KDM4C: variants seen among roughly 807,000 people sequenced by gnomAD.
KDM4C encodes lysine-specific demethylase 4C.
In KDM4C, 81 loss-of-function variants were observed where a neutral mutation model predicts 129.3. The observed-to-expected ratio is 0.63, with a 90% CI of 0.52 to 0.75. The LOEUF (loss-of-function observed/expected upper bound fraction) is 0.75. Among genes scored for constraint, KDM4C ranks in the 30% least tolerant of loss-of-function variants. The pLI, the probability that KDM4C is intolerant of heterozygous loss-of-function variation, is 0.00. For missense variants in KDM4C, 1,457 were observed against 1,304.0 expected, an observed-to-expected ratio of 1.12 and a Z score of -1.81; for synonymous variants, 573 against 456.1, an observed-to-expected ratio of 1.26 and a Z score of -3.26.
chr9:6,905,459 C>T lies in KDM4C; in HGVS notation c.921+12227C>T, dbSNP rs145416404. Among the ~76,000 whole-genome samples, 796 of 152,268 alleles carry T rather than the reference C, an allele frequency of 5.2e-3. 6 individuals carry two copies. Among genetic ancestry groups the T allele is most frequent in the African/African-American group, 0.018 (767 of 41,562 alleles). ...TACTTAGGTATATGGTCATAATTTTCAGAAAACATGGTTTCCTCCTTTAGT... is the reference window on the plus strand; with the variant it reads ...TACTTAGGTATATGGTCATAATTTTTAGAAAACATGGTTTCCTCCTTTAGT... On this transcript the variant is annotated intron_variant, in intron 8 of 21. Coordinates refer to ENST00000381309, the MANE Select transcript of KDM4C (RefSeq NM_015061.6).
At chr9:7,108,779 A>G (rs1837992086) in intron 18 of KDM4C, among the ~76,000 whole-genome samples, 1 of 152,222 alleles carries the variant, frequency 6.6e-6, no homozygotes, top group African/African-American at 2.4e-5. Flanking sequence ...CTAGGCCTCA[A>G]CAATGTGGAA....
intron 6 of KDM4C, among the ~76,000 whole-genome samples, chr9:6,884,261 A>G (rs907374365): frequency 7.9e-5 from 12 of 152,162 alleles, no homozygotes; most frequent in African/African-American, 2.7e-4. Context: ...CAAGAGGCCA[A>G]ATGTAATATG....
chr9:6,928,210 C>G (rs1822990737), intron 8 of KDM4C, among the ~76,000 whole-genome samples: 1 of 152,200 alleles, frequency 6.6e-6, no homozygotes, highest in South Asian at 2.1e-4. Flanking sequence ...TAACACTATA[C>G]TCACCTTGTT....
chr9:6,887,184 G>T (rs1021072251), intron 6 of KDM4C, among the ~76,000 whole-genome samples: 4 of 152,174 alleles, frequency 2.6e-5, no homozygotes, highest in African/African-American at 9.7e-5. Flanking sequence ...AGGAAGGTGT[G>T]GAGCAGTACA....
intron 18 of KDM4C, among the ~76,000 whole-genome samples, chr9:7,122,408 A>G (rs942477616): frequency 6.6e-6 from 1 of 152,068 alleles, no homozygotes; most frequent in Non-Finnish European, 1.5e-5. Context: ...AATATTGGGG[A>G]TTCCAATTCA....
intron 8 of KDM4C, among the ~76,000 whole-genome samples, chr9:6,970,233 G>A (rs996914319): frequency 5.3e-5 from 8 of 152,202 alleles, no homozygotes; most frequent in African/African-American, 1.9e-4. Flanking sequence ...TAAATAATGA[G>A]TAATGGTTTC....
chr9:7,005,119 G>A (rs186774667), intron 12 of KDM4C, among the ~76,000 whole-genome samples: 63 of 152,218 alleles, frequency 4.1e-4, no homozygotes, highest in Admixed American at 3.7e-3. Context: ...AGCACCCATG[G>A]TAGAACAAAG....
intron 17 of KDM4C, among the ~76,000 whole-genome samples, chr9:7,053,419 A>G (rs1051789710): frequency 2.0e-5 from 3 of 152,280 alleles, no homozygotes; most frequent in Admixed American, 6.5e-5. Flanking sequence ...AAAAATGACA[A>G]CTAATGGAAA....
chr9:7,052,894 A>AGAGAGAGAGAGAGCGC (rs1339242817), intron 17 of KDM4C, among the ~76,000 whole-genome samples: 2 of 105,468 alleles, frequency 1.9e-5, no homozygotes, highest in Admixed American at 9.4e-5. Context: ...AGAGAGAGAG[A>AGAGAGAGAGAGAGCGC]GAGAGAGCGA....
intron 17 of KDM4C, among the ~76,000 whole-genome samples, chr9:7,087,233 A>G (rs1835235093): frequency 6.6e-6 from 1 of 151,992 alleles, no homozygotes; most frequent in South Asian, 2.1e-4. Context: ...ACATTACTGC[A>G]ACAAAACCCC....
At chr9:7,065,023 G>A (rs951262383) in intron 17 of KDM4C, among the ~76,000 whole-genome samples, 5 of 152,188 alleles carry the variant, frequency 3.3e-5, no homozygotes, top group Non-Finnish European at 5.9e-5. Flanking sequence ...GAAGTCCAGT[G>A]TTCTAGTGAA....
chr9:7,070,243 G>C (rs1001574990), intron 17 of KDM4C, among the ~76,000 whole-genome samples: 1 of 152,120 alleles, frequency 6.6e-6, no homozygotes, highest in African/African-American at 2.4e-5. Context: ...AATCTTTCTA[G>C]AATAAAACTG....
intron 8 of KDM4C, among the ~76,000 whole-genome samples, chr9:6,908,812 C>G (rs1818781752): frequency 6.6e-6 from 1 of 152,022 alleles, no homozygotes; most frequent in Admixed American, 6.6e-5. Flanking sequence ...GGCAATTCAT[C>G]TATAAATTGG....
At chr9:6,798,633 C>G (rs1468460977) in intron 2 of KDM4C, among the ~76,000 whole-genome samples, 2 of 152,232 alleles carry the variant, frequency 1.3e-5, no homozygotes, top group Admixed American at 1.3e-4. Context: ...TCTCCCATGT[C>G]TACTTCTTTC....
chr9:7,148,397 G>C (rs1392820438), intron 19 of KDM4C, among the ~76,000 whole-genome samples: 1 of 152,212 alleles, frequency 6.6e-6, no homozygotes, highest in Non-Finnish European at 1.5e-5. Context: ...TCAGCTTGCA[G>C]CTCATGGGCT....
chr9:6,720,916 T>C lies in KDM4C; in HGVS notation c.-33T>C, dbSNP rs867667152. On this transcript the variant is annotated 5_prime_UTR_variant, in exon 1 of 18. Transcript: ENST00000536108. ...AAGTTGTTGAATAGTTGGAGTGTTC[T>C]GCATTCATGTGGAAGAGGCTAAAGG... 2.9e-5 allele frequency: 45 copies of C among 1,546,434 alleles called. No individual in the cohort carries two copies. In the Middle Eastern group the frequency reaches 1.5e-3, roughly 52 times the overall value.
At chr9:6,814,797 T>G in intron 4 of KDM4C, 52 bp downstream of exon 4, 2 of 1,184,528 alleles carry the variant, frequency 1.7e-6, no homozygotes, top group Non-Finnish European at 2.5e-6. Flanking sequence ...TGTGACAGTT[T>G]TGTTACCATT....
At chr9:6,820,718 T>C (rs57241616) in intron 4 of KDM4C, among the ~76,000 whole-genome samples, 700 of 39,246 alleles carry the variant, frequency 0.018, 1 homozygote, top group African/African-American at 0.045. Context: ...CTCTCTCTTT[T>C]TTTTTTTTTT....
At chr9:6,966,212 T>A (rs1429377373) in intron 8 of KDM4C, among the ~76,000 whole-genome samples, 1 of 152,108 alleles carries the variant, frequency 6.6e-6, no homozygotes, top group Non-Finnish European at 1.5e-5. Context: ...AGACGGAGTC[T>A]CGCTCTGTCT....
Sources: gnomAD v4.1 joint callset for allele counts (sites outside exome capture counted in the v4.1 genomes callset) on GRCh38, gnomAD v4.1.1 for gene constraint, MANE v1.5 for transcripts, NCBI Gene and HGNC (gene_info 2026-07-23, HGNC 2026-07-21) for gene names.